Variants in LNPK observed in about 807,000 individuals in gnomAD.
LNPK encodes endoplasmic reticulum junction formation protein lunapark.
Under a neutral mutation model 55.2 loss-of-function variants are expected in LNPK, and 29 were observed. The ratio of observed to expected loss-of-function variants is 0.53; its 90% confidence interval spans 0.39 to 0.72. The LOEUF is 0.72. Among genes scored for constraint, LNPK ranks in the 30% least tolerant of loss-of-function variants. The pLI is 0.00. For synonymous variants in LNPK, 162 were observed against 168.2 expected, an observed-to-expected ratio of 0.96 and a Z score of 0.29; for missense variants, 467 against 494.8, an observed-to-expected ratio of 0.94 and a Z score of 0.53.
chr2:175,964,629 C>T lies in LNPK; in HGVS notation c.358-40G>A, dbSNP rs768193233. 6 of 1,041,194 alleles carry T rather than the reference C, an allele frequency of 5.8e-6. No individual in the cohort carries two copies. The Admixed American group carries it at 8.5e-5, about 15-fold the overall frequency. The allele number at this position is 1,041,194 out of a possible 1,614,324, so 64.5% of individuals were successfully genotyped here. ...TTCCATAAATTGTCACACTTCAAAA[C>T]ACACACTACTTATTTGTATAAGTCC... On this transcript the variant is annotated intron_variant, in intron 6 of 12. Transcript: ENST00000272748.
Position 175,929,599 on chromosome 2 carries a change from T to C in LNPK, c.*368A>G. 9.9e-7 allele frequency: 1 copy of C among 1,013,838 alleles called. No individual in the cohort carries two copies. 62.8% of individuals were successfully genotyped at this position (1,013,838 alleles called of 1,614,324 possible). A position where few individuals can be genotyped will look rare whatever the true frequency, so the allele number is the denominator to read the frequency against. On this transcript the variant is annotated 3_prime_UTR_variant, in exon 13 of 13. Transcript: ENST00000272748. ...GTTTCATTCCTTAAAACAAACACAA[T>C]TAGAGAACTTACTCTTAACCAAAGT...
At chr2:175,996,500 TTTCTC>T (rs1192509190) in intron 1 of LNPK, among the ~76,000 whole-genome samples, 2 of 152,198 alleles carry the variant, frequency 1.3e-5, no homozygotes, top group African/African-American at 4.8e-5. Flanking sequence ...TTAATTTTCT[TTTCTC>T]TTAATTAGTT....
Position 175,929,940 on chromosome 2 carries a change from C to T in LNPK, c.*27G>A, listed in dbSNP as rs1489802352. 1 of 1,612,254 alleles carries T rather than the reference C, an allele frequency of 6.2e-7. No individual in the cohort carries two copies. The highest frequency in any genetic ancestry group is 8.5e-7 in the Non-Finnish European group (1 of 1,179,110). On this transcript the variant is annotated 3_prime_UTR_variant, in exon 13 of 13. Transcript: ENST00000272748. ...CTGACATCAGTAAGACTATAAATAT[C>T]CAGTTGAAGGCACGTGGAAGCATTT...
At chr2:175,935,127 AC>A (rs1470359121) in intron 12 of LNPK, among the ~76,000 whole-genome samples, 2 of 152,168 alleles carry the variant, frequency 1.3e-5, no homozygotes, top group South Asian at 4.1e-4. Context: ...AAAAATGGTT[AC>A]TGATATTTGT....
At chr2:175,995,041 C>A (rs1687869159) in intron 2 of LNPK, among the ~76,000 whole-genome samples, 1 of 151,250 alleles carries the variant, frequency 6.6e-6, no homozygotes, top group Non-Finnish European at 1.5e-5. Flanking sequence ...CCTGTCTCAG[C>A]CTCCCGAGTA....
chr2:175,984,078 AAAACTTTTGCTCTGC>A (rs766757101), intron 4 of LNPK, among the ~76,000 whole-genome samples: 9 of 152,296 alleles, frequency 5.9e-5, no homozygotes, highest in South Asian at 2.1e-4. Context: ...ATCAAAATTA[AAAACTTTTGCTCTGC>A]AAAAGACCCT....
At position 175,928,355 on chromosome 2, in the gene LNPK, A is replaced by C. The variant is rs940414413; in HGVS notation, c.*1612T>G. 1 of 152,084 alleles carries C rather than the reference A, an allele frequency of 6.6e-6. No homozygotes were observed. The highest frequency in any genetic ancestry group is 2.4e-5 in the African/African-American group (1 of 41,420). 9.4% of individuals were successfully genotyped at this position (152,084 alleles called of 1,614,324 possible). A position where few individuals can be genotyped will look rare whatever the true frequency, so the allele number is the denominator to read the frequency against. ...ATCCTAATACCCTTCAAAAATAAAC[A>C]TAACTCTTCCCATTTTACAGATGAA... is the stretch of plus-strand genomic sequence containing the variant. On this transcript the variant is annotated 3_prime_UTR_variant, in exon 13 of 13. Transcript: ENST00000272748.
At chr2:175,976,065 G>A (rs1415832884) in intron 5 of LNPK, among the ~76,000 whole-genome samples, 1 of 152,120 alleles carries the variant, frequency 6.6e-6, no homozygotes, top group African/African-American at 2.4e-5. Flanking sequence ...CTTGTTTGTA[G>A]TACAAAAAGA....
chr2:175,967,549 TAAG>T, intron 6 of LNPK: 1 of 643,898 alleles, frequency 1.6e-6, no homozygotes, highest in Non-Finnish European at 1.9e-6. Flanking sequence ...ATTCCAGATG[TAAG>T]AAAACTTTCT....
At chr2:175,994,087 T>C (rs959504014) in intron 2 of LNPK, 1 of 698,184 alleles carries the variant, frequency 1.4e-6, no homozygotes, top group African/African-American at 1.9e-5. Context: ...ACATCTAGAA[T>C]GAAAACCAGC....
Position 175,960,093 on chromosome 2 carries a change from A to G in LNPK, c.493+4279T>C, listed in dbSNP as rs554487543. 2.0e-5 allele frequency among the ~76,000 whole-genome samples: 3 copies of G among 152,226 alleles called. No homozygotes were observed. The South Asian group carries it at 6.2e-4, about 32-fold the overall frequency. On this transcript the variant is annotated intron_variant, in intron 8 of 12. Transcript: ENST00000272748. ...CTTAGCAACCTACAAAGAGACTTAC[A>G]CTCCCACACAATAATGGGAGACTTT...
chr2:175,964,830 G>A (rs906996281), intron 6 of LNPK, among the ~76,000 whole-genome samples: 4 of 152,196 alleles, frequency 2.6e-5, no homozygotes, highest in Admixed American at 2.0e-4. Flanking sequence ...ATATAATGAG[G>A]AGAATAATTA....
intron 9 of LNPK, among the ~76,000 whole-genome samples, chr2:175,943,654 A>G (rs1405723384): frequency 2.6e-5 from 4 of 152,086 alleles, no homozygotes; most frequent in Middle Eastern, 3.2e-3. Context: ...GCATTAAAAC[A>G]AAGAAACAAA....
chr2:176,001,200 A>G (rs897055158), intron 1 of LNPK, among the ~76,000 whole-genome samples: 1 of 152,200 alleles, frequency 6.6e-6, no homozygotes, highest in African/African-American at 2.4e-5. Flanking sequence ...AGGAAAAGAA[A>G]TGAGCATTCC....
rs369052222 is a variant in LNPK at position 175,983,487 on chromosome 2, G to A, written c.258-3619C>T. ...AAAGTAAATGTACCACAAAGTAAAA[G>A]GTTTTAATTATAAAAACCAAAAGCA... On this transcript the variant is annotated intron_variant, in intron 4 of 12. Transcript: ENST00000272748. Among the ~76,000 whole-genome samples, 518 of 151,988 alleles carry A rather than the reference G, an allele frequency of 3.4e-3. 15 individuals are homozygous for A. In the South Asian group the frequency reaches 0.073, roughly 21 times the overall value.
chr2:175,943,233 T>C (rs1684946107), intron 9 of LNPK, among the ~76,000 whole-genome samples: 1 of 150,976 alleles, frequency 6.6e-6, no homozygotes, highest in Admixed American at 6.6e-5. Context: ...AAAACACCTT[T>C]TTCTCTCAGA....
chr2:175,992,118 C>A, intron 4 of LNPK, 113 bp downstream of exon 4: 1 of 639,342 alleles, frequency 1.6e-6, no homozygotes, highest in Non-Finnish European at 2.5e-6. Context: ...GAAATTCAAA[C>A]TCAATCAGAT....
At chr2:175,996,559 A>G (rs1172191090) in intron 1 of LNPK, among the ~76,000 whole-genome samples, 2 of 152,240 alleles carry the variant, frequency 1.3e-5, no homozygotes, top group Non-Finnish European at 2.9e-5. Context: ...TAGTATTACC[A>G]TCTCACAGAT....
chr2:175,999,303 C>T (rs1162044589), intron 1 of LNPK, among the ~76,000 whole-genome samples: 1 of 152,206 alleles, frequency 6.6e-6, no homozygotes, highest in East Asian at 1.9e-4. Flanking sequence ...CATATTAACT[C>T]CAAGTCCTGT....
Sources: gnomAD v4.1 joint callset for allele counts (sites outside exome capture counted in the v4.1 genomes callset) on GRCh38, gnomAD v4.1.1 for gene constraint, MANE v1.5 for transcripts, NCBI Gene and HGNC (gene_info 2026-07-23, HGNC 2026-07-21) for gene names.